ZNF335: variants seen among roughly 807,000 people sequenced by gnomAD.
ZNF335 encodes NRC-interacting factor 1.
Under a neutral mutation model 145.6 loss-of-function variants are expected in ZNF335, and 84 were observed. The ratio of observed to expected loss-of-function variants is 0.58; its 90% CI spans 0.48 to 0.69. ZNF335 has a LOEUF of 0.69. ZNF335 is among the 30% of genes least tolerant of loss of function. The probability of loss-of-function intolerance (pLI) is 0.00; values close to 1 mark genes in which losing one functional copy is unlikely to be tolerated. For missense variants in ZNF335, 1,865 were observed against 1,809.7 expected, an observed-to-expected ratio of 1.03 and a Z score of -0.55; for synonymous variants, 761 against 717.0, an observed-to-expected ratio of 1.06 and a Z score of -0.98.
At chr20:45,960,763 G>A in intron 11 of ZNF335, 31 bp from the exon 12 acceptor site, 3 of 1,612,584 alleles carry the variant, frequency 1.9e-6, no homozygotes, top group Non-Finnish European at 2.5e-6. Flanking sequence ...GCCAGATGGA[G>A]AAAGAAGTGG....
In ZNF335 at chr20:45,971,287, C is replaced by A; in HGVS notation, c.124G>T (p.Ala42Ser). The stretch of plus-strand genomic sequence containing the variant: ...TCTGCCTGCCCCGGGGCGGCCGCGG[C>A]GTCGCTGCTGTCGGCGGACACGGCT... ...SEAVSADSSD[A>S]AAAPGQAEAD... The change falls in exon 2 of 28, where the codon GCC becomes TCC. Residue 42 changes from alanine (A) to serine (S), a missense_variant. Ala to Ser is a moderately conservative substitution (Grantham distance 99, BLOSUM62 1). Transcript: ENST00000322927. 1 of 1,584,098 alleles carries A rather than the reference C, an allele frequency of 6.3e-7. No homozygotes were observed. Among genetic ancestry groups the A allele is most frequent in the African/African-American group, 1.3e-5 (1 of 74,644 alleles).
rs545926833 is a variant in ZNF335 at position 45,953,819 on chromosome 20, C to T, written c.2572G>A (p.Glu858Lys). 704 of 1,614,058 alleles carry T rather than the reference C, an allele frequency of 4.4e-4. 8 individuals carry two copies. The South Asian group carries it at 7.0e-3, about 16-fold the overall frequency. The change falls in exon 18 of 28, where the codon GAG (glutamate) becomes AAG (lysine). Residue 858 changes from glutamate (E) to lysine (K), a missense_variant. Physicochemically the swap from Glu to Lys is moderately conservative, Grantham distance 56 (BLOSUM62 1). Transcript: ENST00000322927. ...VAEPGGGAAA[E>K]SQLGPPDLPQ... Reference sequence around the variant, plus strand: ...AGGTCAGGAGGGCCTAGCTGGCTCTCGGCTGCTGCACCGCCCCCTGGCTCT... The same window carrying T: ...AGGTCAGGAGGGCCTAGCTGGCTCTTGGCTGCTGCACCGCCCCCTGGCTCT...
chr20:45,948,985 C>T lies in ZNF335; in HGVS notation c.3997G>A (p.Glu1333Lys), dbSNP rs772626200. ...TCGGCCAGGGTGATGACGTCGTACT[C>T]GATGCCCTGGTGCTGCAGCTGTTGA... ...HIQQLQHQGI[E>K]YDVITLADD The change falls in exon 28 of 28, where the codon GAG (glutamate) becomes AAG (lysine). Residue 1333 changes from glutamate (E) to lysine (K), a missense_variant. Physicochemically the swap from Glu to Lys is moderately conservative, Grantham distance 56. Coordinates refer to ENST00000322927, the MANE Select transcript of ZNF335 (RefSeq NM_022095.4). The T allele has an allele frequency of 1.6e-5, 26 of 1,613,822 alleles. No homozygotes were observed. Among genetic ancestry groups the T allele is most frequent in the Middle Eastern group, 1.6e-4 (1 of 6,084 alleles).
At chr20:45,970,949 G>C (rs1025074701) in intron 2 of ZNF335, among the ~76,000 whole-genome samples, 1 of 152,104 alleles carries the variant, frequency 6.6e-6, no homozygotes, top group Non-Finnish European at 1.5e-5. Flanking sequence ...TAAGACCACA[G>C]CCTAGATTTG....
At chr20:45,960,823 C>G (rs1273914304) in intron 11 of ZNF335, 41 bp downstream of exon 11, 3 of 1,613,904 alleles carry the variant, frequency 1.9e-6, no homozygotes, top group Non-Finnish European at 1.7e-6. Flanking sequence ...ATAAACAACC[C>G]CCGGGCAGGT....
chr20:45,963,498 C>T lies in ZNF335; in HGVS notation c.1508G>A (p.Arg503His), dbSNP rs765260747. The T allele has an allele frequency of 7.9e-5, 128 of 1,613,026 alleles. No individual in the cohort carries two copies. The highest frequency in any genetic ancestry group is 9.5e-5 in the Non-Finnish European group (112 of 1,179,352). The change falls in exon 9 of 28, where the codon CGT becomes CAT. Residue 503 changes from arginine (R) to histidine (H), a missense_variant. Coordinates refer to ENST00000322927, the MANE Select transcript of ZNF335 (RefSeq NM_022095.4). ...QLFKCLQCSY[R>H]SRRWSSLKEH... ...CTTGAGCGAGGACCAGCGGCGGGAA[C>T]GATAGCTGCACTGCAGGCACTTGAA...
Position 45,969,652 on chromosome 20 carries a change from G to A in ZNF335, c.241C>T (p.Pro81Ser), listed in dbSNP as rs1475230298. 1.2e-6 allele frequency: 2 copies of A among 1,612,194 alleles called. No individual in the cohort carries two copies. Among genetic ancestry groups the A allele is most frequent in the Non-Finnish European group, 1.7e-6 (2 of 1,179,304 alleles). ...SESSSSADPL[P>S]NSYLPDSSSV... ...GATGAATCAGGGAGGTAGCTATTAG[G>A]CAGGGGGTCTGCGCTCGAGCTGCTC... The change falls in exon 3 of 28, where the codon CCT becomes TCT. Residue 81 changes from proline to serine, a missense_variant. By Grantham distance (74) the Pro-to-Ser change is moderately conservative. Coordinates refer to ENST00000322927, the MANE Select transcript of ZNF335 (RefSeq NM_022095.4).
chr20:45,959,482 C>A (rs774512577), intron 14 of ZNF335, 49 bp from the exon 15 acceptor site: 36 of 1,320,972 alleles, frequency 2.7e-5, no homozygotes, highest in Non-Finnish European at 3.4e-5. Flanking sequence ...CCCTAGCCTA[C>A]CCCCTCCAGG....
At position 45,949,948 on chromosome 20, in the gene ZNF335, C is replaced by T. The variant is rs1352812828; in HGVS notation, c.3591+18G>A. ...CCTGCCTGTCGCTGGCCAGAGGGCC[C>T]CCAGTCCTGACTCTTACCTGATTGG... On this transcript the variant is annotated intron_variant, in intron 23 of 27. Coordinates refer to ENST00000322927, the MANE Select transcript of ZNF335 (RefSeq NM_022095.4). 2 of 1,614,102 alleles carry T rather than the reference C, an allele frequency of 1.2e-6. No homozygotes were observed. The highest frequency in any genetic ancestry group is 2.2e-5 in the East Asian group (1 of 44,880).
At position 45,963,615 on chromosome 20, in the gene ZNF335, G is replaced by A; in HGVS notation, c.1391C>T (p.Pro464Leu). 6.2e-7 allele frequency: 1 copy of A among 1,614,198 alleles called. No individual in the cohort carries two copies. The highest frequency in any genetic ancestry group is 8.5e-7 in the Non-Finnish European group (1 of 1,180,038). The part of the protein sequence containing the change: ...YYKSPKPLLR[P>L]FLCRICGSRF... The stretch of plus-strand genomic sequence containing the variant: ...AGAACCACAGATGCGGCACAGGAAG[G>A]GCCTCAAAAGTGGTTTGGGCGACTT... Residue 464 changes from proline to leucine, a missense_variant, in exon 9 of 28, where the codon CCC becomes CTC. Physicochemically the swap from Pro to Leu is moderately conservative, Grantham distance 98. Coordinates refer to ENST00000322927, the MANE Select transcript of ZNF335 (RefSeq NM_022095.4).
chr20:45,948,810 A>C lies in ZNF335; in HGVS notation c.*143T>G. The stretch of plus-strand genomic sequence containing the variant: ...CATGGCTGCCCCTAACCCCAACAGC[A>C]CAGGTCTGGCTCCCTGGGAATGAGA... On this transcript the variant is annotated 3_prime_UTR_variant, in exon 28 of 28. Transcript: ENST00000322927. 1 of 1,370,726 alleles carries C rather than the reference A, an allele frequency of 7.3e-7. No homozygotes were observed. Among genetic ancestry groups the C allele is most frequent in the Non-Finnish European group, 1.0e-6 (1 of 993,474 alleles). The allele number at this position is 1,370,726 out of a possible 1,614,324, so 84.9% of individuals were successfully genotyped here.
At chr20:45,949,687 G>T in intron 24 of ZNF335, 113 bp downstream of exon 24, 1 of 1,463,446 alleles carries the variant, frequency 6.8e-7, no homozygotes, top group Non-Finnish European at 9.4e-7. Flanking sequence ...GCAGTTGTTG[G>T]CAAGCATGGA....
At position 45,952,613 on chromosome 20, in the gene ZNF335, C is replaced by G; in HGVS notation, c.2799G>C (p.Gln933His). 1 of 1,613,928 alleles carries G rather than the reference C, an allele frequency of 6.2e-7. No individual in the cohort carries two copies. Residue 933 changes from glutamine to histidine, a missense_variant, in exon 19 of 28, where the codon CAG becomes CAC. Transcript: ENST00000322927. ...THYIMATDGT[Q>H]LHHIELTADG... ...CAAGCCTCACCTCAATGTGGTGCAA[C>G]TGGGTACCATCAGTAGCCATGATGT...
intron 14 of ZNF335, among the ~76,000 whole-genome samples, chr20:45,959,684 T>G (rs942360937): frequency 2.0e-5 from 3 of 152,020 alleles, no homozygotes; most frequent in Non-Finnish European, 2.9e-5. Flanking sequence ...CTCCTGTGGG[T>G]CATCACAGGA....
In ZNF335 at chr20:45,960,323, T is replaced by C. The variant is rs1427477846; in HGVS notation, c.1905A>G (p.Ala635=). ...CGTGGGACAACTGGTGGTTCAGCAG[T>C]GCCTTCTTGTCTTCACAAACAAACT... ...FCEFVCEDKK[A]LLNHQLSHVS... is the part of the protein sequence containing the mutation. The change falls in exon 14 of 28, where the codon GCA becomes GCG. Residue 635 remains alanine (A), a synonymous_variant. Coordinates refer to ENST00000322927, the MANE Select transcript of ZNF335 (RefSeq NM_022095.4). 1 of 1,614,148 alleles carries C rather than the reference T, an allele frequency of 6.2e-7. No individual in the cohort carries two copies. Among genetic ancestry groups the C allele is most frequent in the Non-Finnish European group, 8.5e-7 (1 of 1,180,006 alleles).
chr20:45,959,177 T>C, intron 15 of ZNF335, 24 bp downstream of exon 15: 2 of 1,348,916 alleles, frequency 1.5e-6, no homozygotes, highest in Admixed American at 6.0e-5. Flanking sequence ...CACTCTGTCA[T>C]CCTGACCCAT....
In ZNF335 at chr20:45,965,937, G is replaced by A. The variant is rs547478832; in HGVS notation, c.956-163C>T. 3.4e-4 allele frequency among the ~76,000 whole-genome samples: 52 copies of A among 152,202 alleles called. No homozygotes were observed. In the South Asian group the frequency reaches 8.3e-3, roughly 24 times the overall value. ...CCTGATCTCCTCTGGCTGACTTGGC[G>A]TTCCTGCCCTGAGCCCCTGAAGTTC... is the stretch of plus-strand genomic sequence containing the variant. On this transcript the variant is annotated intron_variant, in intron 6 of 27. Coordinates refer to ENST00000322927, the MANE Select transcript of ZNF335 (RefSeq NM_022095.4).
At position 45,952,024 on chromosome 20, in the gene ZNF335, C is replaced by T. The variant is rs2083642175; in HGVS notation, c.3189+123G>A. On this transcript the variant is annotated intron_variant, in intron 20 of 27. Coordinates refer to ENST00000322927, the MANE Select transcript of ZNF335 (RefSeq NM_022095.4). ...TGGGACCTTGCGGAGTCATCTCTGA[C>T]CCATCTCATCCACTCAGAGGAGAGC... The T allele has an allele frequency of 3.6e-6, 5 of 1,377,090 alleles. No individual in the cohort carries two copies. In the South Asian group the frequency reaches 6.3e-5, roughly 17 times the overall value. 85.3% of individuals were successfully genotyped at this position (1,377,090 alleles called of 1,614,324 possible).
At position 45,968,327 on chromosome 20, in the gene ZNF335, C is replaced by T; in HGVS notation, c.478G>A (p.Ala160Thr). 3.1e-6 allele frequency: 5 copies of T among 1,612,982 alleles called. No individual in the cohort carries two copies. Among genetic ancestry groups the T allele is most frequent in the Non-Finnish European group, 3.4e-6 (4 of 1,179,434 alleles). ...AGGATCAGGTACCGTGTGGTCTCGGCCCCGCCATCCTCAGCACTGGTCACA... is the reference window on the plus strand; with the variant it reads ...AGGATCAGGTACCGTGTGGTCTCGGTCCCGCCATCCTCAGCACTGGTCACA... ...ITVTSAEDGG[A>T]ETTRYLILQG... The change falls in exon 4 of 28, where the codon GCC becomes ACC. Residue 160 changes from alanine (A) to threonine (T), a missense_variant. By Grantham distance (58) the Ala-to-Thr change is moderately conservative. Coordinates refer to ENST00000322927, the MANE Select transcript of ZNF335 (RefSeq NM_022095.4).
Sources: allele counts gnomAD v4.1 joint callset (sites outside exome capture counted in the v4.1 genomes callset), GRCh38; gene constraint gnomAD v4.1.1; transcripts MANE v1.5; gene names NCBI Gene and HGNC (gene_info 2026-07-23, HGNC 2026-07-21).